DSCAM: variants seen among roughly 807,000 people sequenced by gnomAD.
DSCAM encodes cell adhesion molecule DSCAM.
In DSCAM, 47 loss-of-function variants were observed where a neutral mutation model predicts 217.7. That is an observed-to-expected ratio of 0.22 (90% CI 0.17 to 0.28). The LOEUF is 0.28. Among genes scored for constraint, DSCAM ranks in the 10% least tolerant of loss-of-function variants. The pLI is 1.00. For missense variants in DSCAM, 2,080 were observed against 2,618.3 expected (o/e 0.79, Z 4.49); for synonymous variants, 1,056 against 1,015.3 (o/e 1.04, Z -0.76).
chr21:40,451,813 C>T (rs1444359765), intron 3 of DSCAM, among the ~76,000 whole-genome samples: 2 of 152,072 alleles, frequency 1.3e-5, no homozygotes, highest in Non-Finnish European at 2.9e-5. Context: ...GAACACTAAA[C>T]ATGTGGGAGT....
At chr21:40,562,119 A>AT (rs2146187008) in intron 3 of DSCAM, among the ~76,000 whole-genome samples, 1 of 152,178 alleles carries the variant, frequency 6.6e-6, no homozygotes, top group Non-Finnish European at 1.5e-5. Flanking sequence ...ACCCCTCCTG[A>AT]TATGGTTAGG....
chr21:40,767,394 A>G (rs890080943), intron 1 of DSCAM, among the ~76,000 whole-genome samples: 2 of 152,316 alleles, frequency 1.3e-5, no homozygotes, highest in Admixed American at 1.3e-4. Context: ...CAAAACACAC[A>G]GACAAGCACG....
chr21:40,014,376 C>T (rs1178338742), intron 32 of DSCAM, among the ~76,000 whole-genome samples: 2 of 149,950 alleles, frequency 1.3e-5, no homozygotes, highest in Non-Finnish European at 3.0e-5. Context: ...GGTGACAGAG[C>T]AAGACTCAAA....
In DSCAM at chr21:40,236,565, G is replaced by A. The variant is rs554396551; in HGVS notation, c.2356+39532C>T. On this transcript the variant is annotated intron_variant, in intron 11 of 32. Coordinates refer to ENST00000400454, the MANE Select transcript of DSCAM (RefSeq NM_001389.5). ...CCCAGCCCTCAGACACAGAGCACAT[G>A]ACGGGTTTTGAGTGACACCAGGGGT... is the stretch of plus-strand genomic sequence containing the variant. 2.0e-5 allele frequency among the ~76,000 whole-genome samples: 3 copies of A among 152,296 alleles called. No homozygotes were observed. In the South Asian group the frequency reaches 6.2e-4, roughly 32 times the overall value.
At position 40,474,324 on chromosome 21, in the gene DSCAM, A is replaced by AC. The variant is rs2075915193; in HGVS notation, c.509-105080dup. Among the ~76,000 whole-genome samples, 3 of 150,888 alleles carry AC rather than the reference A, an allele frequency of 2.0e-5. No homozygotes were observed. In the South Asian group the frequency reaches 6.3e-4, roughly 32 times the overall value. On this transcript the variant is annotated intron_variant, in intron 3 of 32. Coordinates refer to ENST00000400454, the MANE Select transcript of DSCAM (RefSeq NM_001389.5). ...TATATATAATAAATATTAAAAAAAA[A>AC]CACAACCAAAAATACAAAGGCATAT... is the stretch of plus-strand genomic sequence containing the variant.
At position 40,636,760 on chromosome 21, in the gene DSCAM, CTTT is replaced by C. The variant is rs3070821; in HGVS notation, c.508+56047_508+56049del. On this transcript the variant is annotated intron_variant, in intron 3 of 32. Coordinates refer to ENST00000400454, the MANE Select transcript of DSCAM (RefSeq NM_001389.5). The stretch of plus-strand genomic sequence containing the variant: ...AGGATTTTGGCCGGGGGTCTCATGA[CTTT>C]TTTTTTTTTTTTTTCACAACATCTC... 5.6e-3 allele frequency among the ~76,000 whole-genome samples: 748 copies of C among 133,592 alleles called. 8 individuals are homozygous for C. Among genetic ancestry groups the C allele is most frequent in the African/African-American group, 0.019 (686 of 36,226 alleles). The allele number at this position is 133,592 out of a possible 152,430, so 87.6% of individuals were successfully genotyped here.
intron 3 of DSCAM, among the ~76,000 whole-genome samples, chr21:40,542,769 T>C (rs758759134): frequency 2.0e-5 from 3 of 152,286 alleles, no homozygotes; most frequent in Non-Finnish European, 4.4e-5. Flanking sequence ...TGGGCTAAGG[T>C]GCTCATTTTG....
At position 40,846,682 on chromosome 21, in the gene DSCAM, TC is replaced by T; in HGVS notation, c.-22del. ...CACATGCCCCTGCCGCTCCCCGGCC[TC>T]CCGCGAGCGACGCGCCGGCCTCGCC... On this transcript the variant is annotated 5_prime_UTR_variant, in exon 1 of 33. Coordinates refer to ENST00000400454, the MANE Select transcript of DSCAM (RefSeq NM_001389.5). The T allele has an allele frequency of 8.9e-7, 1 of 1,123,694 alleles. No homozygotes were observed. Among genetic ancestry groups the T allele is most frequent in the South Asian group, 3.6e-5 (1 of 27,764 alleles). 69.6% of individuals were successfully genotyped at this position (1,123,694 alleles called of 1,614,324 possible).
rs1278212225 is a variant in DSCAM at position 40,144,363 on chromosome 21, G to A, written c.3259+128C>T. The A allele has an allele frequency of 1.4e-6, 2 of 1,436,028 alleles. No individual in the cohort carries two copies. The highest frequency in any genetic ancestry group is 1.9e-6 in the Non-Finnish European group (2 of 1,061,514). 89.0% of individuals were successfully genotyped at this position (1,436,028 alleles called of 1,614,324 possible). ...CACGAGGGAAGGCTTTTCCACCCGA[G>A]ACCCCAGGCCCTGCAGGTCACTGCA... On this transcript the variant is annotated intron_variant, in intron 17 of 32. Coordinates refer to ENST00000400454, the MANE Select transcript of DSCAM (RefSeq NM_001389.5). This position sits in a 1 kb window ranked among gnomAD's most constrained non-coding sequence, Gnocchi z 4.8.
At chr21:40,409,110 A>G (rs1218005103) in intron 3 of DSCAM, among the ~76,000 whole-genome samples, 8 of 152,236 alleles carry the variant, frequency 5.3e-5, no homozygotes. Flanking sequence ...TATTTTCAAA[A>G]CTGCTCCCAA....
In DSCAM at chr21:40,216,039, A is replaced by G. The variant is rs370989157; in HGVS notation, c.2357-26801T>C. Among the ~76,000 whole-genome samples, 166 of 152,176 alleles carry G rather than the reference A, an allele frequency of 1.1e-3. 1 individual carries two copies. Among genetic ancestry groups the G allele is most frequent in the African/African-American group, 3.9e-3 (162 of 41,540 alleles). On this transcript the variant is annotated intron_variant, in intron 11 of 32. Coordinates refer to ENST00000400454, the MANE Select transcript of DSCAM (RefSeq NM_001389.5). ...TTCACGCCAATATTTCTTCTTCAGA[A>G]TAAGTGCTAAGCAAGTCAAGACATG... is the stretch of plus-strand genomic sequence containing the variant.
At chr21:40,264,480 GA>G (rs1269381071) in intron 11 of DSCAM, among the ~76,000 whole-genome samples, 1 of 152,066 alleles carries the variant, frequency 6.6e-6, no homozygotes, top group African/African-American at 2.4e-5. Context: ...AATAGAGGCA[GA>G]AAAAACATTT....
intron 11 of DSCAM, among the ~76,000 whole-genome samples, chr21:40,207,524 G>C (rs1174324973): frequency 1.3e-5 from 2 of 152,280 alleles, no homozygotes; most frequent in East Asian, 3.9e-4. Flanking sequence ...AATGTGCATA[G>C]TTTATGTATA....
At chr21:40,590,059 G>A (rs954160962) in intron 3 of DSCAM, among the ~76,000 whole-genome samples, 1 of 152,162 alleles carries the variant, frequency 6.6e-6, no homozygotes, top group Non-Finnish European at 1.5e-5. Context: ...GGAATTAGTA[G>A]GCAGTTTCCG....
intron 32 of DSCAM, among the ~76,000 whole-genome samples, chr21:40,030,904 T>C (rs1041045185): frequency 1.3e-5 from 2 of 152,106 alleles, no homozygotes; most frequent in African/African-American, 2.4e-5. Flanking sequence ...TTAGCATGTA[T>C]GTACATGGGG....
At chr21:40,683,689 A>G (rs1192014642) in intron 3 of DSCAM, among the ~76,000 whole-genome samples, 1 of 152,134 alleles carries the variant, frequency 6.6e-6, no homozygotes. Context: ...GAAAGAGGAC[A>G]GCTCTTCCTG....
rs750675273 is a variant in DSCAM at position 40,017,228 on chromosome 21, A to AT, written c.5687-3843dup. Among the ~76,000 whole-genome samples, 70 of 152,238 alleles carry AT rather than the reference A, an allele frequency of 4.6e-4. 1 individual carries two copies. The highest frequency in any genetic ancestry group is 2.5e-3 in the East Asian group (13 of 5,190). ...CAAAATGTTATTACCCGTCTTGAAA[A>AT]TTTTTTTCCGCGAACAACAGGAGCA... On this transcript the variant is annotated intron_variant, in intron 32 of 32. Coordinates refer to ENST00000400454, the MANE Select transcript of DSCAM (RefSeq NM_001389.5).
intron 3 of DSCAM, among the ~76,000 whole-genome samples, chr21:40,574,184 G>A (rs1223444104): frequency 2.0e-5 from 3 of 151,376 alleles, no homozygotes; most frequent in Non-Finnish European, 2.9e-5. Flanking sequence ...ATAAGTTTAA[G>A]AAAAAAGAAA....
chr21:40,087,891 G>T (rs1368345025), intron 21 of DSCAM, among the ~76,000 whole-genome samples: 1 of 152,146 alleles, frequency 6.6e-6, no homozygotes, highest in Admixed American at 6.5e-5. Flanking sequence ...ATCTGGTACT[G>T]GTGCAGCCCC....
Sources: allele counts gnomAD v4.1 joint callset (sites outside exome capture counted in the v4.1 genomes callset), GRCh38; gene constraint gnomAD v4.1.1; non-coding constraint Gnocchi (gnomAD v3.1); transcripts MANE v1.5; gene names NCBI Gene and HGNC (gene_info 2026-07-23, HGNC 2026-07-21).